TBC1D16: variants seen among roughly 807,000 people sequenced by gnomAD.
The protein encoded by TBC1D16 is CTD-2529O21.1.
TBC1D16 carries 58 observed loss-of-function variants against 74.7 expected under a neutral mutation model. The ratio of observed to expected loss-of-function variants is 0.78; its 90% CI spans 0.63 to 0.97. The LOEUF (loss-of-function observed/expected upper bound fraction) is 0.97, where lower values mean the gene tolerates loss of function less well. TBC1D16 is among the 50% of genes least tolerant of loss of function. TBC1D16 has a pLI of 0.00. For missense variants in TBC1D16, 1,014 were observed against 1,079.5 expected (o/e 0.94, Z 0.85); for synonymous variants, 493 against 474.7 (o/e 1.04, Z -0.50).
rs747868612 is a variant in TBC1D16, at chr17:79,945,051, G to A, written c.1765C>T (p.Arg589Cys). 17 of 1,585,574 alleles carry A rather than the reference G, an allele frequency of 1.1e-5. No homozygotes were observed. The highest frequency in any genetic ancestry group is 4.0e-5 in the African/African-American group (3 of 74,720). ...AGCGAGACCAGGTGCTGGTAGAAGC[G>A]CACGTGCGTCAGCCGCAGCAGCTCG... Reference protein sequence around the residue: ...LRELLRLTHVRFYQHLVSLGE... With the variant: ...LRELLRLTHVCFYQHLVSLGE... The change falls in exon 10 of 12, where the codon CGC becomes TGC. Residue 589 changes from arginine to cysteine, a missense_variant. Transcript: ENST00000310924.
intron 1 of TBC1D16, among the ~76,000 whole-genome samples, chr17:80,027,513 C>T (rs932395313): frequency 1.3e-5 from 2 of 151,882 alleles, no homozygotes; most frequent in Non-Finnish European, 2.9e-5. Flanking sequence ...GTGGGAGGAT[C>T]GCTCGACCCT....
intron 1 of TBC1D16, among the ~76,000 whole-genome samples, chr17:80,029,218 G>A (rs142820275): frequency 1.3e-5 from 2 of 152,262 alleles, no homozygotes; most frequent in Non-Finnish European, 2.9e-5. Flanking sequence ...CAGGACGAGA[G>A]CGCTTTGAGG....
In TBC1D16 at chr17:79,961,386, G is replaced by A. The variant is rs1043797738; in HGVS notation, c.780-8568C>T. ...GACATGGAGGAACTGGAACTCTCAC[G>A]GACTGCTGGTGGGAATGCAACACGG... On this transcript the variant is annotated intron_variant, in intron 3 of 11. Transcript: ENST00000310924. The surrounding 1 kb of genome is among the most constrained non-coding windows in gnomAD (Gnocchi z 4.8). Among the ~76,000 whole-genome samples the A allele has an allele frequency of 5.9e-5, 9 of 152,184 alleles. No homozygotes were observed. In the East Asian group the frequency reaches 1.3e-3, roughly 23 times the overall value.
rs746450905 is a variant in TBC1D16, at chr17:79,960,779, C to CAAAAAAAAAAAAAAAAAAAAAAAAAAAA, written c.780-7989_780-7962dup. ...CAAAAAAACCCAAAAAACAAAAACCCAAAAAAAAAAAAAAAAAAAAAAAAA... is the reference window on the plus strand; with the variant it reads ...CAAAAAAACCCAAAAAACAAAAACCCAAAAAAAAAAAAAAAAAAAAAAAAAAAAAAAAAAAAAAAAAAAAAAAAAAAAA... On this transcript the variant is annotated intron_variant, in intron 3 of 11. Transcript: ENST00000310924. Among the ~76,000 whole-genome samples the CAAAAAAAAAAAAAAAAAAAAAAAAAAAA allele has an allele frequency of 1.2e-3, 40 of 33,948 alleles. 12 individuals carry two copies. Among genetic ancestry groups the CAAAAAAAAAAAAAAAAAAAAAAAAAAAA allele is most frequent in the African/African-American group, 2.0e-3 (19 of 9,542 alleles). 22.3% of individuals were successfully genotyped at this position (33,948 alleles called of 152,430 possible). A position where few individuals can be genotyped will look rare whatever the true frequency, so the allele number is the denominator to read the frequency against.
rs1455607210 is a variant in TBC1D16, at chr17:79,939,518, G to A, written c.*1341C>T. The A allele has an allele frequency of 6.6e-6, 1 of 152,170 alleles. No homozygotes were observed. Among genetic ancestry groups the A allele is most frequent in the African/African-American group, 2.4e-5 (1 of 41,424 alleles). The allele number at this position is 152,170 out of a possible 1,614,324, so 9.4% of individuals were successfully genotyped here. ...CCCATGATGGTTCTCAGCACATCAA[G>A]GGTTTTTCTCCCCAGAAGGACGCGA... On this transcript the variant is annotated 3_prime_UTR_variant, in exon 12 of 12. Coordinates refer to ENST00000310924, the MANE Select transcript of TBC1D16 (RefSeq NM_019020.4).
intron 3 of TBC1D16, among the ~76,000 whole-genome samples, chr17:79,996,327 GA>G (rs1399660045): frequency 1.8e-4 from 28 of 152,268 alleles, no homozygotes; most frequent in African/African-American, 6.7e-4. Context: ...AAGAGACAAA[GA>G]GATCTTCCGC....
chr17:79,943,371 A>G (rs1390562276), intron 10 of TBC1D16, among the ~76,000 whole-genome samples: 1 of 152,178 alleles, frequency 6.6e-6, no homozygotes, highest in African/African-American at 2.4e-5. Flanking sequence ...CGATCTCCAC[A>G]GCCTGCACAG....
At chr17:80,015,275 G>GA (rs541233217) in intron 1 of TBC1D16, among the ~76,000 whole-genome samples, 1,637 of 151,514 alleles carry the variant, frequency 0.011, 10 homozygotes, top group Non-Finnish European at 0.017. Flanking sequence ...ACTAAAAATA[G>GA]AAAAAAAAGT....
chr17:79,969,628 C>T (rs1014633867), intron 3 of TBC1D16, among the ~76,000 whole-genome samples: 5 of 151,988 alleles, frequency 3.3e-5, no homozygotes, highest in East Asian at 1.9e-4. Context: ...TAATTCCACT[C>T]GTAGGTAGAT....
chr17:79,965,138 G>A (rs915749526), intron 3 of TBC1D16, among the ~76,000 whole-genome samples: 13 of 152,030 alleles, frequency 8.6e-5, no homozygotes, highest in Non-Finnish European at 1.5e-4. Flanking sequence ...GTACAGTGGC[G>A]TGATCTTGGT....
At chr17:79,968,690 A>G (rs751278663) in intron 3 of TBC1D16, among the ~76,000 whole-genome samples, 6 of 151,884 alleles carry the variant, frequency 4.0e-5, no homozygotes, top group Non-Finnish European at 8.8e-5. Flanking sequence ...TGTCTCTACT[A>G]AAAATACAAA....
chr17:79,942,151 T>G lies in TBC1D16; in HGVS notation c.1964A>C (p.Asp655Ala). ...CVAIVAIYGD[D>A]VIEQQLATDQ... Reference sequence around the variant, plus strand: ...CGTGGCCAGCTGCTGCTCGATGACGTCATCCCCGTAGATGGCCACGATGGC... The same window carrying G: ...CGTGGCCAGCTGCTGCTCGATGACGGCATCCCCGTAGATGGCCACGATGGC... The change falls in exon 11 of 12, where the codon GAC (aspartate) becomes GCC (alanine). Residue 655 changes from aspartate (D) to alanine (A), a missense_variant. Asp to Ala is a moderately radical substitution (Grantham distance 126). Coordinates refer to ENST00000310924, the MANE Select transcript of TBC1D16 (RefSeq NM_019020.4). 1 of 1,610,156 alleles carries G rather than the reference T, an allele frequency of 6.2e-7. No homozygotes were observed. Among genetic ancestry groups the G allele is most frequent in the Non-Finnish European group, 8.5e-7 (1 of 1,178,742 alleles).
At chr17:79,958,822 C>G (rs1271559749) in intron 3 of TBC1D16, among the ~76,000 whole-genome samples, 2 of 151,984 alleles carry the variant, frequency 1.3e-5, no homozygotes, top group African/African-American at 4.8e-5. Context: ...TGTTTTCCCC[C>G]AAGAGCAGGA....
chr17:79,936,144 C>T lies in TBC1D16; in HGVS notation c.*4715G>A, dbSNP rs2031570942. 1 of 152,278 alleles carries T rather than the reference C, an allele frequency of 6.6e-6. No individual in the cohort carries two copies. The allele number at this position is 152,278 out of a possible 1,614,324, so 9.4% of individuals were successfully genotyped here. A position where few individuals can be genotyped will look rare whatever the true frequency, so the allele number is the denominator to read the frequency against. On this transcript the variant is annotated 3_prime_UTR_variant, in exon 12 of 12. Transcript: ENST00000310924. Reference sequence around the variant, plus strand: ...CACCCTTCTGATGGAGAGCTTTGCACATGCATTCACACACACATGCCTGGC... The same window carrying T: ...CACCCTTCTGATGGAGAGCTTTGCATATGCATTCACACACACATGCCTGGC...
chr17:80,032,478 G>A (rs1050447451), intron 1 of TBC1D16, among the ~76,000 whole-genome samples: 1 of 152,138 alleles, frequency 6.6e-6, no homozygotes. Flanking sequence ...TGTAAGTTCC[G>A]AAGACAGAGT....
intron 3 of TBC1D16, among the ~76,000 whole-genome samples, chr17:79,989,186 C>G (rs955470835): frequency 2.0e-5 from 3 of 152,244 alleles, no homozygotes; most frequent in African/African-American, 4.8e-5. Context: ...GCCCCCTGAA[C>G]AGGGATCCCC....
chr17:79,945,131 C>A, intron 9 of TBC1D16, 44 bp from the exon 10 acceptor site: 4 of 1,508,764 alleles, frequency 2.7e-6, no homozygotes, highest in Non-Finnish European at 3.6e-6. Flanking sequence ...CGGTCCCATG[C>A]GGCCTGCTGC....
At position 80,035,244 on chromosome 17, in the gene TBC1D16, T is replaced by C. The variant is rs1349695823; in HGVS notation, c.-63+551A>G. Among the ~76,000 whole-genome samples the C allele has an allele frequency of 6.6e-6, 1 of 151,706 alleles. No homozygotes were observed. Among genetic ancestry groups the C allele is most frequent in the Non-Finnish European group, 1.5e-5 (1 of 67,858 alleles). ...GTTCTTTCTTTCTTTTTCTTTTTTT[T>C]TTTTTCCCAAAGGAAAGAACAAGGG... On this transcript the variant is annotated intron_variant, in intron 1 of 11. Coordinates refer to ENST00000310924, the MANE Select transcript of TBC1D16 (RefSeq NM_019020.4). This position sits in a 1 kb window ranked among gnomAD's most constrained non-coding sequence, Gnocchi z 5.3.
chr17:80,003,433 A>C (rs564456650), intron 3 of TBC1D16, among the ~76,000 whole-genome samples: 3 of 152,256 alleles, frequency 2.0e-5, no homozygotes, highest in Admixed American at 2.0e-4. Context: ...ACGGGACCCA[A>C]GGTGGCAGGC....
Sources: gnomAD v4.1 joint callset for allele counts (sites outside exome capture counted in the v4.1 genomes callset) on GRCh38, gnomAD v4.1.1 for gene constraint, Gnocchi (gnomAD v3.1) non-coding constraint, MANE v1.5 for transcripts, NCBI Gene and HGNC (gene_info 2026-07-23, HGNC 2026-07-21) for gene names.